SWT1: variants seen among roughly 807,000 people sequenced by gnomAD.
The protein encoded by SWT1 is SWT1 RNA endoribonuclease homolog.
A neutral mutation model predicts 107.3 loss-of-function variants in SWT1; 33 were observed. The observed-to-expected ratio is 0.31, with a 90% CI of 0.23 to 0.41. SWT1 has a LOEUF of 0.41. Ranked by LOEUF, SWT1 falls within the 10% of genes least tolerant of loss-of-function variation. SWT1 has a pLI of 1.00. For synonymous variants in SWT1, 345 were observed against 348.3 expected (o/e 0.99, Z 0.11); for missense variants, 898 against 1,028.9 (o/e 0.87, Z 1.74).
intron 18 of SWT1, among the ~76,000 whole-genome samples, chr1:185,282,625 C>T (rs1664706267): frequency 6.6e-6 from 1 of 152,058 alleles, no homozygotes; most frequent in African/African-American, 2.4e-5. Flanking sequence ...ATTTATAAGC[C>T]AGTTGGTCAG....
At chr1:185,257,155 T>A (rs568549523) in intron 16 of SWT1, among the ~76,000 whole-genome samples, 21 of 151,896 alleles carry the variant, frequency 1.4e-4, no homozygotes, top group Non-Finnish European at 3.1e-4. Context: ...TCTCCAGCTG[T>A]GTGCTGGGAG....
chr1:185,206,080 T>C (rs1658311299), intron 12 of SWT1, among the ~76,000 whole-genome samples: 1 of 152,022 alleles, frequency 6.6e-6, no homozygotes, highest in Non-Finnish European at 1.5e-5. Flanking sequence ...TGTCTCAACC[T>C]CCCAAGTAGC....
chr1:185,258,186 T>C (rs1002754089), intron 16 of SWT1, among the ~76,000 whole-genome samples: 1 of 152,166 alleles, frequency 6.6e-6, no homozygotes, highest in Non-Finnish European at 1.5e-5. Context: ...GTAATAAATG[T>C]GTACTTGATT....
intron 4 of SWT1, among the ~76,000 whole-genome samples, chr1:185,170,863 A>G (rs1467141560): frequency 6.6e-6 from 1 of 152,180 alleles, no homozygotes; most frequent in East Asian, 1.9e-4. Context: ...TAAAAAAAGA[A>G]AGATGAAGGG....
intron 18 of SWT1, chr1:185,281,040 T>TG: frequency 3.5e-6 from 1 of 287,506 alleles, no homozygotes; most frequent in African/African-American, 2.2e-5. Flanking sequence ...TCCTTTTTTA[T>TG]GAAGATGACA....
At chr1:185,226,860 A>T in intron 15 of SWT1, 3 of 1,534,700 alleles carry the variant, frequency 2.0e-6, no homozygotes, top group Non-Finnish European at 2.6e-6. Context: ...CTTTTGAGCT[A>T]CCCGATCTTT....
intron 6 of SWT1, among the ~76,000 whole-genome samples, chr1:185,181,473 A>G (rs1266896400): frequency 1.3e-5 from 2 of 152,210 alleles, no homozygotes; most frequent in Non-Finnish European, 2.9e-5. Flanking sequence ...TCTAGATTTC[A>G]GTTTATGATG....
At position 185,160,829 on chromosome 1, in the gene SWT1, T is replaced by C. The variant is rs1417951796; in HGVS notation, c.-9-4T>C. 6.2e-7 allele frequency: 1 copy of C among 1,602,500 alleles called. No individual in the cohort carries two copies. The highest frequency in any genetic ancestry group is 8.5e-7 in the Non-Finnish European group (1 of 1,174,700). ...AAATCCTATATTTTTAATGTTTATG[T>C]TAGCTTTTCAGGATGTCCAGCAAAG... On this transcript the variant is annotated splice_region_variant and splice_polypyrimidine_tract_variant and intron_variant, in intron 1 of 18. Transcript: ENST00000367500.
intron 4 of SWT1, among the ~76,000 whole-genome samples, chr1:185,172,183 T>C (rs192716935): frequency 1.3e-5 from 2 of 152,340 alleles, no homozygotes; most frequent in African/African-American, 4.8e-5. Context: ...TTGACATTTT[T>C]CCCCTTTTTT....
rs916207828 is a variant in SWT1, at chr1:185,249,203, G to A, written c.2441+17495G>A. Among the ~76,000 whole-genome samples the A allele has an allele frequency of 2.0e-5, 3 of 152,282 alleles. No homozygotes were observed. The East Asian group carries it at 5.8e-4, about 29-fold the overall frequency. Reference sequence around the variant, plus strand: ...AGCCTGAGCTTTGTCGCAGGCTGCAGGCTGGTTTCCAAGAGTGTCCCACCA... The same window carrying A: ...AGCCTGAGCTTTGTCGCAGGCTGCAAGCTGGTTTCCAAGAGTGTCCCACCA... On this transcript the variant is annotated intron_variant, in intron 16 of 18. Coordinates refer to ENST00000367500, the MANE Select transcript of SWT1 (RefSeq NM_017673.7).
At chr1:185,221,222 A>G (rs924852781) in intron 14 of SWT1, among the ~76,000 whole-genome samples, 1 of 151,978 alleles carries the variant, frequency 6.6e-6, no homozygotes, top group South Asian at 2.1e-4. Context: ...TCTTGCATGC[A>G]TTTTATTTTT....
At chr1:185,158,224 A>T (rs559850197) in intron 1 of SWT1, among the ~76,000 whole-genome samples, 55 of 152,214 alleles carry the variant, frequency 3.6e-4, no homozygotes, top group African/African-American at 1.3e-3. Context: ...CACTAACTGG[A>T]AATTAACTCC....
At chr1:185,214,456 T>C in intron 13 of SWT1, 51 bp from the exon 14 acceptor site, 2 of 1,393,988 alleles carry the variant, frequency 1.4e-6, no homozygotes, top group Non-Finnish European at 2.0e-6. Context: ...GACATTTTTA[T>C]GATGTATACT....
chr1:185,258,487 A>C (rs945866899), intron 16 of SWT1, among the ~76,000 whole-genome samples: 1 of 152,138 alleles, frequency 6.6e-6, no homozygotes, highest in Non-Finnish European at 1.5e-5. Flanking sequence ...TATTTAATGA[A>C]GCAAAATTTT....
At position 185,242,402 on chromosome 1, in the gene SWT1, G is replaced by C. The variant is rs77607613; in HGVS notation, c.2441+10694G>C. Among the ~76,000 whole-genome samples, 846 of 152,080 alleles carry C rather than the reference G, an allele frequency of 5.6e-3. 34 individuals carry two copies. In the East Asian group the frequency reaches 0.094, roughly 17 times the overall value. On this transcript the variant is annotated intron_variant, in intron 16 of 18. Coordinates refer to ENST00000367500, the MANE Select transcript of SWT1 (RefSeq NM_017673.7). Reference sequence around the variant, plus strand: ...TATGACTTAATTTTTAGAATAACTGGATTTCATTTTACATATCTAAAACTC... The same window carrying C: ...TATGACTTAATTTTTAGAATAACTGCATTTCATTTTACATATCTAAAACTC...
chr1:185,228,974 G>A (rs1468939608), intron 15 of SWT1, among the ~76,000 whole-genome samples: 1 of 152,198 alleles, frequency 6.6e-6, no homozygotes, highest in Non-Finnish European at 1.5e-5. Context: ...AGATGAAGTA[G>A]GGAGGTACAG....
At chr1:185,164,935 G>A (rs1264250909) in intron 2 of SWT1, among the ~76,000 whole-genome samples, 2 of 152,176 alleles carry the variant, frequency 1.3e-5, no homozygotes, top group Non-Finnish European at 2.9e-5. Context: ...CTAGCTTTCA[G>A]CCTGTGTTGG....
At chr1:185,183,284 G>C (rs897737826) in intron 7 of SWT1, among the ~76,000 whole-genome samples, 1 of 151,962 alleles carries the variant, frequency 6.6e-6, no homozygotes, top group African/African-American at 2.4e-5. Context: ...TTGTTTGTTT[G>C]TGGGTTTTTC....
chr1:185,252,528 G>T (rs1054486201), intron 16 of SWT1, among the ~76,000 whole-genome samples: 1 of 152,196 alleles, frequency 6.6e-6, no homozygotes, highest in African/African-American at 2.4e-5. Context: ...TTCTCTGATG[G>T]CCAGTGATAA....
Sources: allele counts gnomAD v4.1 joint callset (sites outside exome capture counted in the v4.1 genomes callset), GRCh38; gene constraint gnomAD v4.1.1; transcripts MANE v1.5; gene names NCBI Gene and HGNC (gene_info 2026-07-23, HGNC 2026-07-21).